The following RNF13 variants were observed in gnomAD, a reference collection of about 807,000 sequenced individuals.
RNF13 encodes the protein E3 ubiquitin-protein ligase RNF13.
In RNF13, 19 loss-of-function variants were observed where a neutral mutation model predicts 37.7. The observed-to-expected ratio is 0.50, with a 90% CI of 0.35 to 0.74. The LOEUF is 0.74. RNF13 is among the 30% of genes least tolerant of loss of function. The pLI is 0.01. For synonymous variants in RNF13, 144 were observed against 157.8 expected, an observed-to-expected ratio of 0.91 and a Z score of 0.65; for missense variants, 375 against 453.0, an observed-to-expected ratio of 0.83 and a Z score of 1.56.
intron 1 of RNF13, among the ~76,000 whole-genome samples, chr3:149,820,480 A>C (rs551265345): frequency 1.3e-5 from 2 of 152,214 alleles, no homozygotes; most frequent in Non-Finnish European, 2.9e-5. Context: ...TGAGGGAGAA[A>C]CATCTACTTT....
chr3:149,928,148 C>G (rs1718829195), intron 8 of RNF13, among the ~76,000 whole-genome samples: 1 of 151,702 alleles, frequency 6.6e-6, no homozygotes, highest in East Asian at 1.9e-4. Flanking sequence ...CAGCACAATT[C>G]CTATCAAAAT....
chr3:149,897,702 A>C (rs1715411657), intron 5 of RNF13, among the ~76,000 whole-genome samples: 1 of 152,188 alleles, frequency 6.6e-6, no homozygotes, highest in African/African-American at 2.4e-5. Flanking sequence ...TACCATTTTC[A>C]TGTTTGCTAT....
intron 8 of RNF13, among the ~76,000 whole-genome samples, chr3:149,932,611 A>C (rs770603998): frequency 6.6e-6 from 1 of 152,256 alleles, no homozygotes; most frequent in Non-Finnish European, 1.5e-5. Flanking sequence ...TCTGAAACCT[A>C]GCAGGGCAGA....
intron 3 of RNF13, among the ~76,000 whole-genome samples, chr3:149,857,480 G>A (rs1442500035): frequency 1.3e-5 from 2 of 152,004 alleles, no homozygotes; most frequent in Non-Finnish European, 2.9e-5. Flanking sequence ...ATTTTAATTG[G>A]CTGTTTAGGA....
intron 1 of RNF13, among the ~76,000 whole-genome samples, chr3:149,818,794 C>A (rs1403554419): frequency 6.6e-6 from 1 of 151,992 alleles, no homozygotes; most frequent in Non-Finnish European, 1.5e-5. Flanking sequence ...TCATGTAATC[C>A]CAGTTACTTG....
chr3:149,879,238 T>C (rs2108456967), intron 4 of RNF13, among the ~76,000 whole-genome samples: 1 of 152,180 alleles, frequency 6.6e-6, no homozygotes, highest in South Asian at 2.1e-4. Context: ...ATACTTAGTT[T>C]AAGAGAGACC....
chr3:149,812,726 G>GAGT (rs1719027644), upstream of RNF13: 1 of 152,538 alleles, frequency 6.6e-6, no homozygotes, highest in African/African-American at 2.4e-5. Context: ...TAGGTCGGGT[G>GAGT]AGTGTAGTGT....
intron 4 of RNF13, among the ~76,000 whole-genome samples, chr3:149,890,363 C>G (rs970362294): frequency 3.9e-5 from 6 of 152,162 alleles, no homozygotes; most frequent in African/African-American, 1.2e-4. Context: ...TTCTAAAGAG[C>G]CTTCAGGGTA....
chr3:149,947,134 G>A (rs1720844710), intron 8 of RNF13, among the ~76,000 whole-genome samples: 2 of 152,050 alleles, frequency 1.3e-5, no homozygotes, highest in Admixed American at 1.3e-4. Flanking sequence ...GAATATATTT[G>A]TATGACTTCA....
intron 6 of RNF13, among the ~76,000 whole-genome samples, chr3:149,911,533 C>T (rs1354318186): frequency 6.6e-6 from 1 of 152,004 alleles, no homozygotes; most frequent in Non-Finnish European, 1.5e-5. Context: ...GTGGCAGGCA[C>T]CTGTAATCCC....
intron 1 of RNF13, among the ~76,000 whole-genome samples, chr3:149,824,324 T>C (rs1229622295): frequency 2.6e-5 from 4 of 152,204 alleles, no homozygotes; most frequent in Non-Finnish European, 5.9e-5. Flanking sequence ...AAAAGGAACT[T>C]TGCAGATGTG....
intron 1 of RNF13, among the ~76,000 whole-genome samples, chr3:149,828,933 C>T (rs562977348): frequency 6.6e-6 from 1 of 152,216 alleles, no homozygotes; most frequent in Non-Finnish European, 1.5e-5. Flanking sequence ...ATATACTGAA[C>T]TAAAAATGTA....
Position 149,957,659 on chromosome 3 carries a change from G to A in RNF13, c.701-2397G>A, listed in dbSNP as rs923153521. ...CATGTGATAAGTAAGTATGCCTATC[G>A]GCTAGTTTTACTAGGTAAAAATTGG... is the stretch of plus-strand genomic sequence containing the variant. On this transcript the variant is annotated intron_variant, in intron 8 of 9. Transcript: ENST00000392894. Among the ~76,000 whole-genome samples, 5 of 152,096 alleles carry A rather than the reference G, an allele frequency of 3.3e-5. No homozygotes were observed. The East Asian group carries it at 5.8e-4, about 18-fold the overall frequency.
At chr3:149,919,835 G>A (rs934916727) in intron 7 of RNF13, among the ~76,000 whole-genome samples, 1 of 152,198 alleles carries the variant, frequency 6.6e-6, no homozygotes, top group South Asian at 2.1e-4. Flanking sequence ...TTCCAAAGTG[G>A]TTGTACCATT....
intron 8 of RNF13, among the ~76,000 whole-genome samples, chr3:149,932,797 A>G (rs1212012155): frequency 6.6e-6 from 1 of 152,092 alleles, no homozygotes; most frequent in Non-Finnish European, 1.5e-5. Flanking sequence ...TGGTGGCTCT[A>G]CCCTTCTTGG....
chr3:149,860,987 G>T (rs1336560325), intron 3 of RNF13, among the ~76,000 whole-genome samples: 2 of 151,988 alleles, frequency 1.3e-5, no homozygotes, highest in African/African-American at 4.8e-5. Context: ...CATACAAATG[G>T]CCAACGGGCA....
chr3:149,823,976 C>T (rs1391953894), intron 1 of RNF13, among the ~76,000 whole-genome samples: 1 of 152,020 alleles, frequency 6.6e-6, no homozygotes, highest in Non-Finnish European at 1.5e-5. Flanking sequence ...GATTTCAGGG[C>T]TGGGGCAGGA....
chr3:149,847,792 T>G (rs1722781828), intron 2 of RNF13, among the ~76,000 whole-genome samples: 1 of 152,214 alleles, frequency 6.6e-6, no homozygotes, highest in African/African-American at 2.4e-5. Flanking sequence ...GTCTCCTTTC[T>G]CTCCTTTGAT....
chr3:149,890,790 T>C (rs1714617282), intron 4 of RNF13, among the ~76,000 whole-genome samples: 2 of 152,158 alleles, frequency 1.3e-5, no homozygotes, highest in South Asian at 4.1e-4. Flanking sequence ...TATGAAAAAA[T>C]ATCCCCACCT....
Sources: gnomAD v4.1 joint callset for allele counts (sites outside exome capture counted in the v4.1 genomes callset) on GRCh38, gnomAD v4.1.1 for gene constraint, MANE v1.5 for transcripts, NCBI Gene and HGNC (gene_info 2026-07-23, HGNC 2026-07-21) for gene names.